The following UBL7 variants were observed in gnomAD, a reference collection of about 807,000 sequenced individuals.
UBL7 encodes ubiquitin-like protein 7.
In UBL7, 21 loss-of-function variants were observed where a neutral mutation model predicts 41.7. The ratio of observed to expected loss-of-function variants is 0.50; its 90% CI spans 0.36 to 0.73. UBL7 has a LOEUF of 0.73. Ranked by LOEUF, UBL7 falls within the 30% of genes least tolerant of loss-of-function variation. UBL7 has a pLI of 0.00. For synonymous variants in UBL7, 157 were observed against 186.9 expected, an observed-to-expected ratio of 0.84 and a Z score of 1.31; for missense variants, 403 against 478.4, an observed-to-expected ratio of 0.84 and a Z score of 1.47.
chr15:74,453,258 A>C (rs1011661525), intron 3 of UBL7, among the ~76,000 whole-genome samples: 2 of 152,218 alleles, frequency 1.3e-5, no homozygotes, highest in South Asian at 4.1e-4. Flanking sequence ...CATTTACTCC[A>C]TGCCTGGCTT....
At chr15:74,459,816 T>C (rs2061331102) in intron 1 of UBL7, among the ~76,000 whole-genome samples, 1 of 142,070 alleles carries the variant, frequency 7.0e-6, no homozygotes, top group African/African-American at 2.7e-5. Flanking sequence ...AATACAAAAA[T>C]TAGCTGGGCG....
intron 7 of UBL7, 126 bp downstream of exon 7, chr15:74,449,810 C>G: frequency 6.5e-7 from 1 of 1,536,316 alleles, no homozygotes; most frequent in Non-Finnish European, 8.8e-7. Flanking sequence ...GATGCACTTC[C>G]TGACTCAAAC....
At chr15:74,449,810 C>T in intron 7 of UBL7, 126 bp downstream of exon 7, 5 of 1,536,314 alleles carry the variant, frequency 3.3e-6, no homozygotes, top group Non-Finnish European at 4.4e-6. Flanking sequence ...GATGCACTTC[C>T]TGACTCAAAC....
intron 1 of UBL7, 119 bp from the exon 2 acceptor site, chr15:74,459,015 G>A (rs1296993464): frequency 1.1e-5 from 10 of 920,586 alleles, no homozygotes; most frequent in African/African-American, 1.7e-5. Context: ...GGCATAGGGC[G>A]TACCATCAGG....
rs1431952283 is a variant in UBL7 at position 74,449,203 on chromosome 15, G to A, written c.865C>T (p.Pro289Ser). Residue 289 changes from proline to serine, a missense_variant, in exon 9 of 11, where the codon CCG becomes TCG. Transcript: ENST00000395081. ...ASTPESSSHT[P>S]TPGTQGHSSG... Reference sequence around the variant, plus strand: ...CTTCATACCTGGGTGCCAGGAGTCGGTGTGTGAGAGCTGCTCTCCGGAGTG... The same window carrying A: ...CTTCATACCTGGGTGCCAGGAGTCGATGTGTGAGAGCTGCTCTCCGGAGTG... 5.1e-6 allele frequency: 8 copies of A among 1,564,572 alleles called. No homozygotes were observed. Among genetic ancestry groups the A allele is most frequent in the Admixed American group, 2.0e-5 (1 of 50,274 alleles).
At chr15:74,450,880 C>A in intron 5 of UBL7, 21 bp from the exon 6 acceptor site, 1 of 1,612,690 alleles carries the variant, frequency 6.2e-7, no homozygotes, top group Non-Finnish European at 8.5e-7. Flanking sequence ...GCAGAGCTCA[C>A]CTCAAAGAAA....
intron 3 of UBL7, among the ~76,000 whole-genome samples, chr15:74,455,656 G>A (rs1186116746): frequency 6.6e-6 from 1 of 152,168 alleles, no homozygotes; most frequent in Non-Finnish European, 1.5e-5. Flanking sequence ...AGGAGTTTAA[G>A]TAGACACAAA....
In UBL7 at chr15:74,450,859, C is replaced by T; in HGVS notation, c.473G>A (p.Gly158Glu). The change falls in exon 6 of 11, where the codon GGG becomes GAG. Residue 158 changes from glycine (G) to glutamate (E), a missense_variant and splice_region_variant. By Grantham distance (98) the Gly-to-Glu change is moderately conservative. Transcript: ENST00000395081. ...PGLSSDPIAL[G>E]VLQDKDLFSV... ...GAAGAGGTCCTTGTCCTGGAGAACC[C>T]CTGAAAAAGAGCAGAGCTCACCTCA... 3.1e-6 allele frequency: 5 copies of T among 1,613,380 alleles called. No homozygotes were observed. Among genetic ancestry groups the T allele is most frequent in the Non-Finnish European group, 4.2e-6 (5 of 1,179,672 alleles).
intron 3 of UBL7, 92 bp downstream of exon 3, chr15:74,456,460 T>C: frequency 4.0e-6 from 6 of 1,513,394 alleles, no homozygotes; most frequent in South Asian, 1.2e-5. Flanking sequence ...CATCCCTTTG[T>C]TCCACCCAGG....
chr15:74,453,134 G>A (rs2061265287), intron 3 of UBL7, among the ~76,000 whole-genome samples: 2 of 152,186 alleles, frequency 1.3e-5, no homozygotes, highest in African/African-American at 2.4e-5. Flanking sequence ...CACCCCTGGG[G>A]TTCAGGGTGG....
intron 3 of UBL7, among the ~76,000 whole-genome samples, chr15:74,454,353 C>T (rs912251828): frequency 6.6e-6 from 1 of 152,086 alleles, no homozygotes; most frequent in African/African-American, 2.4e-5. Context: ...GAGAAGAATG[C>T]ACACCACAGG....
Position 74,448,609 on chromosome 15 carries a change from A to C in UBL7, c.883-9T>G, listed in dbSNP as rs1007383045. On this transcript the variant is annotated splice_polypyrimidine_tract_variant and intron_variant, in intron 9 of 10. Coordinates refer to ENST00000395081, the MANE Select transcript of UBL7 (RefSeq NM_032907.5). ...GTCCCTGAGGAATGACCCTAGAGACAAATTAGTGGTCAGTGCCACCCTCAG... is the reference window on the plus strand; with the variant it reads ...GTCCCTGAGGAATGACCCTAGAGACCAATTAGTGGTCAGTGCCACCCTCAG... The C allele has an allele frequency of 1.2e-6, 2 of 1,613,546 alleles. No homozygotes were observed. Among genetic ancestry groups the C allele is most frequent in the Non-Finnish European group, 1.7e-6 (2 of 1,179,748 alleles).
chr15:74,450,942 C>A, intron 5 of UBL7, 83 bp from the exon 6 acceptor site: 1 of 1,409,372 alleles, frequency 7.1e-7, no homozygotes, highest in Non-Finnish European at 1.0e-6. Flanking sequence ...TCAGAGCAAC[C>A]AGCTCAACAG....
chr15:74,446,047 G>C lies in UBL7; in HGVS notation c.*43C>G. ...CCTTCATGAGTGCCTCCCAAGGGCA[G>C]TAGCCTCTGCAACTTGCTGGGGGTT... On this transcript the variant is annotated 3_prime_UTR_variant, in exon 11 of 11. Coordinates refer to ENST00000395081, the MANE Select transcript of UBL7 (RefSeq NM_032907.5). The surrounding 1 kb of genome is among the most constrained non-coding windows in gnomAD (Gnocchi z 4.1). The C allele has an allele frequency of 6.2e-7, 1 of 1,608,158 alleles. No individual in the cohort carries two copies. The highest frequency in any genetic ancestry group is 8.5e-7 in the Non-Finnish European group (1 of 1,177,080).
intron 1 of UBL7, 179 bp from the exon 2 acceptor site, chr15:74,459,075 CAG>C: frequency 1.7e-6 from 1 of 596,706 alleles, no homozygotes; most frequent in South Asian, 2.0e-5. Context: ...CTGTGATGGA[CAG>C]CTCTCTAGGC....
rs778738684 is a variant in UBL7, at chr15:74,451,397, C to T, written c.472+39G>A. The T allele has an allele frequency of 1.7e-5, 26 of 1,561,536 alleles. 1 individual carries two copies. The highest frequency in any genetic ancestry group is 6.7e-5 in the East Asian group (3 of 44,618). On this transcript the variant is annotated intron_variant, in intron 5 of 10. Transcript: ENST00000395081. ...TGTCTTCTCCTGTTTTCTCCTTTTC[C>T]GACAACTCCTATTTCCTCAAATTCA...
rs1289720165 is a variant in UBL7 at position 74,446,301 on chromosome 15, G to A, written c.1006-74C>T. 27 of 1,572,454 alleles carry A rather than the reference G, an allele frequency of 1.7e-5. No homozygotes were observed. In the East Asian group the frequency reaches 2.9e-4, roughly 17 times the overall value. On this transcript the variant is annotated intron_variant, in intron 10 of 10. Transcript: ENST00000395081. The surrounding 1 kb of genome is among the most constrained non-coding windows in gnomAD (Gnocchi z 4.1). ...AGACTCACTTAGGTCTGTGCTTTCC[G>A]GGGAAGGAAAGGAAGATGGGGGAGT...
chr15:74,449,778 C>A, intron 7 of UBL7, 103 bp from the exon 8 acceptor site: 1 of 1,559,840 alleles, frequency 6.4e-7, no homozygotes, highest in South Asian at 1.2e-5. Flanking sequence ...TTTCATCTCT[C>A]CCCTCGGAAA....
intron 3 of UBL7, among the ~76,000 whole-genome samples, chr15:74,455,716 A>C (rs907691083): frequency 6.6e-6 from 1 of 152,162 alleles, no homozygotes; most frequent in Admixed American, 6.5e-5. Flanking sequence ...AAAGTGGAGA[A>C]ACAAGCCAGG....
Sources: gnomAD v4.1 joint callset for allele counts (sites outside exome capture counted in the v4.1 genomes callset) on GRCh38, gnomAD v4.1.1 for gene constraint, Gnocchi (gnomAD v3.1) non-coding constraint, MANE v1.5 for transcripts, NCBI Gene and HGNC (gene_info 2026-07-23, HGNC 2026-07-21) for gene names.